The following GPC6 variants were observed in gnomAD, a reference collection of about 807,000 sequenced individuals.
GPC6 encodes glypican-6.
Under a neutral mutation model 55.2 loss-of-function variants are expected in GPC6, and 14 were observed. The observed-to-expected ratio is 0.25, with a 90% CI of 0.17 to 0.40. GPC6 has a LOEUF of 0.40. Among genes scored for constraint, GPC6 ranks in the 10% least tolerant of loss-of-function variants. The probability of loss-of-function intolerance (pLI) is 1.00; values close to 1 mark genes in which losing one functional copy is unlikely to be tolerated. For missense variants in GPC6, 641 were observed against 708.5 expected (o/e 0.90, Z 1.08); for synonymous variants, 278 against 259.6 (o/e 1.07, Z -0.68).
chr13:93,852,449 G>A (rs1413380787), intron 3 of GPC6, among the ~76,000 whole-genome samples: 6 of 151,682 alleles, frequency 4.0e-5, no homozygotes, highest in Admixed American at 6.6e-5. Context: ...AATTAAAGCC[G>A]AAATAAGCAC....
intron 4 of GPC6, among the ~76,000 whole-genome samples, chr13:94,249,327 C>T (rs1891283650): frequency 6.6e-6 from 1 of 151,992 alleles, no homozygotes; most frequent in African/African-American, 2.4e-5. Context: ...AAGTGATCCC[C>T]AATAAATCTT....
chr13:93,898,027 A>G (rs965591383), intron 3 of GPC6, among the ~76,000 whole-genome samples: 3 of 152,132 alleles, frequency 2.0e-5, no homozygotes, highest in Non-Finnish European at 4.4e-5. Context: ...AGGTTTTTCT[A>G]CCATCAGAAA....
intron 2 of GPC6, among the ~76,000 whole-genome samples, chr13:93,545,823 G>A (rs150197788): frequency 6.6e-4 from 101 of 152,208 alleles, no homozygotes; most frequent in East Asian, 2.7e-3. Context: ...AAGAGGAAAG[G>A]CTTGTTTTAA....
chr13:93,832,017 G>GTGTGAGCGGC (rs1887519775), intron 3 of GPC6, among the ~76,000 whole-genome samples: 1 of 142,146 alleles, frequency 7.0e-6, no homozygotes, highest in South Asian at 2.3e-4. Flanking sequence ...ATGAACCTGG[G>GTGTGAGCGGC]AGGCGGGGCT....
chr13:93,481,542 T>A (rs1879520753), intron 1 of GPC6, among the ~76,000 whole-genome samples: 5 of 152,098 alleles, frequency 3.3e-5, no homozygotes, highest in Admixed American at 3.3e-4. Context: ...TATATGAGTG[T>A]TTATAGTTTT....
intron 1 of GPC6, among the ~76,000 whole-genome samples, chr13:93,287,866 G>GT (rs1015705367): frequency 2.0e-4 from 31 of 151,824 alleles, no homozygotes; most frequent in East Asian, 7.7e-4. Context: ...TTTTTTAAAG[G>GT]TTTTTTTTGT....
chr13:93,384,187 A>T (rs1423867419), intron 1 of GPC6, among the ~76,000 whole-genome samples: 5 of 152,174 alleles, frequency 3.3e-5, no homozygotes, highest in Non-Finnish European at 7.3e-5. Context: ...TATTATTAAA[A>T]TATTTACGAT....
intron 2 of GPC6, among the ~76,000 whole-genome samples, chr13:93,588,951 G>A (rs1331191595): frequency 2.0e-5 from 3 of 152,138 alleles, no homozygotes; most frequent in African/African-American, 4.8e-5. Flanking sequence ...TGTTTCGGGG[G>A]AAGAGTGCTA....
Position 93,412,093 on chromosome 13 carries a change from C to T in GPC6, c.161-133170C>T, listed in dbSNP as rs151041587. ...CCCTACTGAAACGTATCTGCATCAA[C>T]ACCACTTTAATACCGTGATAACATT... On this transcript the variant is annotated intron_variant, in intron 1 of 8. Transcript: ENST00000377047. 2.2e-4 allele frequency among the ~76,000 whole-genome samples: 33 copies of T among 152,086 alleles called. No individual in the cohort carries two copies. The East Asian group carries it at 2.9e-3, about 13-fold the overall frequency.
chr13:94,398,369 A>ACTGT (rs1880984994), intron 7 of GPC6, 97 bp from the exon 8 acceptor site: 1 of 921,872 alleles, frequency 1.1e-6, no homozygotes, highest in Non-Finnish European at 1.8e-6. Context: ...GTCTTGGCTG[A>ACTGT]CTGTCAGAGA....
At chr13:93,712,625 G>T (rs1359991208) in intron 2 of GPC6, among the ~76,000 whole-genome samples, 1 of 151,602 alleles carries the variant, frequency 6.6e-6, no homozygotes, top group Non-Finnish European at 1.5e-5. Context: ...ATAATTTTTG[G>T]GGAGTCCTAA....
Position 93,993,336 on chromosome 13 carries a change from A to G in GPC6, c.712-34393A>G, listed in dbSNP as rs538702716. 2.8e-5 allele frequency among the ~76,000 whole-genome samples: 4 copies of G among 144,320 alleles called. No individual in the cohort carries two copies. In the East Asian group the frequency reaches 8.3e-4, roughly 30 times the overall value. The allele number at this position is 144,320 out of a possible 152,430, so 94.7% of individuals were successfully genotyped here. A position where few individuals can be genotyped will look rare whatever the true frequency, so the allele number is the denominator to read the frequency against. ...GAAATGGAGTCTTGCTCTGTCGCCCAGGCTGAGAGCGCGGTGGCACAGTCT... is the reference window on the plus strand; with the variant it reads ...GAAATGGAGTCTTGCTCTGTCGCCCGGGCTGAGAGCGCGGTGGCACAGTCT... On this transcript the variant is annotated intron_variant, in intron 3 of 8. Coordinates refer to ENST00000377047, the MANE Select transcript of GPC6 (RefSeq NM_005708.5).
intron 6 of GPC6, among the ~76,000 whole-genome samples, chr13:94,313,229 A>C (rs1307011818): frequency 6.6e-6 from 1 of 152,192 alleles, no homozygotes; most frequent in Non-Finnish European, 1.5e-5. Context: ...ATAAGGCCCA[A>C]GTGGGGAACA....
At chr13:93,223,896 C>CTTTTTTTT (rs10592858), upstream of GPC6, among the ~76,000 whole-genome samples, 1 of 83,552 alleles carries the variant, frequency 1.2e-5, no homozygotes, top group Non-Finnish European at 2.2e-5. Context: ...TATTTGTTTG[C>CTTTTTTTT]TTTTTTTTTT....
At chr13:93,445,941 A>G (rs940935869) in intron 1 of GPC6, among the ~76,000 whole-genome samples, 1 of 152,210 alleles carries the variant, frequency 6.6e-6, no homozygotes, top group Non-Finnish European at 1.5e-5. Context: ...GAGGAAATAC[A>G]CCTTCATAGG....
chr13:93,661,678 A>G (rs1005997230), intron 2 of GPC6, among the ~76,000 whole-genome samples: 5 of 152,204 alleles, frequency 3.3e-5, no homozygotes, highest in Non-Finnish European at 5.9e-5. Flanking sequence ...CTAAATGTCA[A>G]TGCTATCTCC....
chr13:93,673,501 A>G (rs1441176288), intron 2 of GPC6, among the ~76,000 whole-genome samples: 3 of 152,090 alleles, frequency 2.0e-5, no homozygotes, highest in Non-Finnish European at 1.5e-5. Context: ...CGACAAGAGT[A>G]TATATATATG....
chr13:93,696,215 T>C (rs568146810), intron 2 of GPC6, among the ~76,000 whole-genome samples: 46 of 152,196 alleles, frequency 3.0e-4, no homozygotes, highest in Non-Finnish European at 5.6e-4. Context: ...CAAATTGTGG[T>C]AAATGTGCTT....
At chr13:93,712,668 A>T (rs913280988) in intron 2 of GPC6, among the ~76,000 whole-genome samples, 1 of 151,474 alleles carries the variant, frequency 6.6e-6, no homozygotes. Flanking sequence ...AATATTTCTG[A>T]TATATTTTGT....
Sources: allele counts gnomAD v4.1 joint callset (sites outside exome capture counted in the v4.1 genomes callset), GRCh38; gene constraint gnomAD v4.1.1; transcripts MANE v1.5; gene names NCBI Gene and HGNC (gene_info 2026-07-23, HGNC 2026-07-21).